Variants in PDE10A observed in about 807,000 individuals in gnomAD.
The protein encoded by PDE10A is cAMP and cAMP-inhibited cGMP 3',5'-cyclic phosphodiesterase 10A.
In PDE10A, 39 loss-of-function variants were observed where a neutral mutation model predicts 97.7. The ratio of observed to expected loss-of-function variants is 0.40; its 90% CI spans 0.31 to 0.52. The LOEUF is 0.52. Ranked by LOEUF, PDE10A falls within the 20% of genes least tolerant of loss-of-function variation. PDE10A has a pLI of 0.56. For missense variants in PDE10A, 731 were observed against 1,047.8 expected, an observed-to-expected ratio of 0.70 and a Z score of 4.17; for synonymous variants, 371 against 376.8, an observed-to-expected ratio of 0.98 and a Z score of 0.18.
At chr6:165,523,113 AATG>A (rs746021129) in intron 2 of PDE10A, among the ~76,000 whole-genome samples, 2 of 152,242 alleles carry the variant, frequency 1.3e-5, no homozygotes, top group South Asian at 2.1e-4. Context: ...CACTGAAAGA[AATG>A]ATTACATAAC....
chr6:165,944,332 C>T (rs1783689128), intron 1 of PDE10A, among the ~76,000 whole-genome samples: 1 of 152,130 alleles, frequency 6.6e-6, no homozygotes, highest in South Asian at 2.1e-4. Context: ...CTCTTGAATC[C>T]CAGATATTTT....
At chr6:165,490,642 A>G (rs1312705770) in intron 2 of PDE10A, among the ~76,000 whole-genome samples, 1 of 152,198 alleles carries the variant, frequency 6.6e-6, no homozygotes, top group African/African-American at 2.4e-5. Context: ...TGTTCCACTT[A>G]AAAGACACAG....
intron 17 of PDE10A, among the ~76,000 whole-genome samples, chr6:165,384,646 GTGTGTGTGTGTGTGTGTGTGTGTAT>G (rs569356995): frequency 0.31 from 39,059 of 126,124 alleles, 7,441 homozygotes; most frequent in East Asian, 0.38. Context: ...GTGTGTGTGT[GTGTGTGTGTGTGTGTGTGTGTGTAT>G]GGGGGGGGGC....
rs115214635 is a variant in PDE10A, at chr6:165,382,727, A to G, written c.2611-3361T>C. 9.0e-3 allele frequency among the ~76,000 whole-genome samples: 1,111 copies of G among 123,154 alleles called. 14 individuals are homozygous for G. The highest frequency in any genetic ancestry group is 0.037 in the African/African-American group (1,057 of 28,220). 80.8% of individuals were successfully genotyped at this position (123,154 alleles called of 152,430 possible). ...ACATGATAAAACGATTACTATTATA[A>G]TAGTGATGATTGATGATGATGATGA... On this transcript the variant is annotated intron_variant, in intron 17 of 21. Transcript: ENST00000539869.
intron 1 of PDE10A, among the ~76,000 whole-genome samples, chr6:165,776,777 C>T (rs1778197489): frequency 6.6e-6 from 1 of 152,166 alleles, no homozygotes; most frequent in Non-Finnish European, 1.5e-5. Context: ...CAGTGAGGGC[C>T]ACAGAGCAGA....
chr6:165,699,308 T>C (rs2128443324), intron 1 of PDE10A, among the ~76,000 whole-genome samples: 1 of 152,320 alleles, frequency 6.6e-6, no homozygotes, highest in Non-Finnish European at 1.5e-5. Flanking sequence ...TTTATAAAGA[T>C]ATGCATTTAA....
intron 1 of PDE10A, among the ~76,000 whole-genome samples, chr6:165,729,064 T>C (rs1792363387): frequency 6.6e-6 from 1 of 151,620 alleles, no homozygotes; most frequent in Admixed American, 6.6e-5. Context: ...TAGTGTGGAG[T>C]GGTGACATAT....
intron 1 of PDE10A, among the ~76,000 whole-genome samples, chr6:165,729,280 T>C (rs1328193552): frequency 2.0e-5 from 3 of 151,948 alleles, no homozygotes; most frequent in Admixed American, 6.6e-5. Context: ...AATGGAAAAA[T>C]CCCCAAAATA....
At chr6:165,504,640 G>A (rs1781087070) in intron 2 of PDE10A, among the ~76,000 whole-genome samples, 1 of 152,058 alleles carries the variant, frequency 6.6e-6, no homozygotes, top group African/African-American at 2.4e-5. Flanking sequence ...TTCTCAGTAA[G>A]ACTGGTTTTT....
chr6:165,668,153 A>G (rs1790542621), upstream of PDE10A, among the ~76,000 whole-genome samples: 1 of 152,246 alleles, frequency 6.6e-6, no homozygotes, highest in African/African-American at 2.4e-5. Flanking sequence ...AAGAATAATA[A>G]GCCTAAAAGA....
chr6:165,713,143 A>G (rs575852376), intron 1 of PDE10A, among the ~76,000 whole-genome samples: 6 of 152,234 alleles, frequency 3.9e-5, no homozygotes, highest in Admixed American at 6.5e-5. Context: ...CTAGACCTAC[A>G]CCCTCAGGGT....
At chr6:165,477,744 T>C (rs1779375919) in intron 3 of PDE10A, among the ~76,000 whole-genome samples, 1 of 152,130 alleles carries the variant, frequency 6.6e-6, no homozygotes, top group South Asian at 2.1e-4. Context: ...ATATGTTAGA[T>C]AACAGAAATA....
chr6:165,684,595 C>T (rs1211866368), intron 1 of PDE10A, among the ~76,000 whole-genome samples: 1 of 152,200 alleles, frequency 6.6e-6, no homozygotes, highest in Admixed American at 6.5e-5. Flanking sequence ...GTGGCCGAGG[C>T]GCTGAGCTGC....
chr6:165,903,506 G>C (rs1046706484), intron 1 of PDE10A, among the ~76,000 whole-genome samples: 7 of 152,142 alleles, frequency 4.6e-5, no homozygotes, highest in African/African-American at 1.7e-4. Flanking sequence ...TTGAGACTAG[G>C]AGACAGAAAA....
intron 1 of PDE10A, among the ~76,000 whole-genome samples, chr6:165,826,367 CTTGCATCCCTCT>C (rs1779748093): frequency 1.5e-5 from 2 of 132,178 alleles, no homozygotes; most frequent in Non-Finnish European, 3.6e-5. Flanking sequence ...TCCCTCTGTC[CTTGCATCCCTCT>C]GTCCTCATGT....
At chr6:165,949,613 T>C (rs965263188) in intron 1 of PDE10A, 1 of 152,050 alleles carries the variant, frequency 6.6e-6, no homozygotes, top group Non-Finnish European at 1.5e-5. Context: ...ATCCCCCACA[T>C]GAAGAACTAC....
rs1283704459 is a variant in PDE10A, at chr6:165,619,079, C to CTAGTGTAGTCTAGTG, written c.865+42853_865+42867dup. 1.5e-4 allele frequency among the ~76,000 whole-genome samples: 16 copies of CTAGTGTAGTCTAGTG among 106,272 alleles called. 1 individual carries two copies. The highest frequency in any genetic ancestry group is 8.6e-4 in the African/African-American group (15 of 17,374). 69.7% of individuals were successfully genotyped at this position (106,272 alleles called of 152,430 possible). A position where few individuals can be genotyped will look rare whatever the true frequency, so the allele number is the denominator to read the frequency against. On this transcript the variant is annotated intron_variant, in intron 1 of 21. Transcript: ENST00000539869. ...GTGGTGTAGTGTAGTGTAGTGTAGT[C>CTAGTGTAGTCTAGTG]TAGTGTAGTCTAGTGTAGTGTAGTC...
chr6:165,618,974 G>A (rs771525786), intron 1 of PDE10A, among the ~76,000 whole-genome samples: 14 of 118,556 alleles, frequency 1.2e-4, no homozygotes, highest in African/African-American at 6.4e-4. Flanking sequence ...CTAGTGTAGT[G>A]TAGTCTAGTG....
intron 1 of PDE10A, among the ~76,000 whole-genome samples, chr6:165,579,444 A>G (rs1214583610): frequency 1.3e-5 from 2 of 152,178 alleles, no homozygotes; most frequent in Non-Finnish European, 2.9e-5. Context: ...CTGGGATGAT[A>G]CAAGTCCTCC....
Sources: gnomAD v4.1 joint callset for allele counts (sites outside exome capture counted in the v4.1 genomes callset) on GRCh38, gnomAD v4.1.1 for gene constraint, MANE v1.5 for transcripts, NCBI Gene and HGNC (gene_info 2026-07-23, HGNC 2026-07-21) for gene names.